MTSS1: variants seen among roughly 807,000 people sequenced by gnomAD.
MTSS1 encodes the protein MTSS I-BAR domain containing 1.
In MTSS1, 18 loss-of-function variants were observed where a neutral mutation model predicts 79.0. The observed-to-expected ratio is 0.23, with a 90% CI of 0.16 to 0.34. The LOEUF (loss-of-function observed/expected upper bound fraction) is 0.34. Ranked by LOEUF, MTSS1 falls within the 10% of genes least tolerant of loss-of-function variation. The probability of loss-of-function intolerance (pLI) is 1.00; values close to 1 mark genes in which losing one functional copy is unlikely to be tolerated. For synonymous variants in MTSS1, 341 were observed against 368.6 expected, an observed-to-expected ratio of 0.93 and a Z score of 0.86; for missense variants, 815 against 986.2, an observed-to-expected ratio of 0.83 and a Z score of 2.33.
At chr8:124,717,004 A>C (rs78523518) in intron 1 of MTSS1, among the ~76,000 whole-genome samples, 19,106 of 145,316 alleles carry the variant, frequency 0.13, 1,282 homozygotes, top group Admixed American at 0.2. Context: ...ATAATTAGTA[A>C]AAAAAAAAAA....
chr8:124,651,336 G>A (rs1008863662), intron 3 of MTSS1, among the ~76,000 whole-genome samples: 1 of 152,130 alleles, frequency 6.6e-6, no homozygotes, highest in Non-Finnish European at 1.5e-5. Flanking sequence ...GAACTTGAGC[G>A]TGACATGCCG....
chr8:124,719,335 C>T (rs930992443), intron 1 of MTSS1, among the ~76,000 whole-genome samples: 3 of 152,216 alleles, frequency 2.0e-5, no homozygotes, highest in African/African-American at 7.2e-5. Flanking sequence ...CATATAAATG[C>T]TTTTAAAATA....
intron 7 of MTSS1, among the ~76,000 whole-genome samples, chr8:124,567,484 C>G (rs989944872): frequency 6.6e-6 from 1 of 152,232 alleles, no homozygotes; most frequent in Non-Finnish European, 1.5e-5. Flanking sequence ...TGTGTTCCCA[C>G]GGGATCCTGC....
In MTSS1 at chr8:124,667,367, G is replaced by A. The variant is rs576870337; in HGVS notation, c.208+32159C>T. Reference sequence around the variant, plus strand: ...CACAAAAAAAAAATAACAATAGGCCGGGCGTGGTGGCTCATGCCTGTAATC... The same window carrying A: ...CACAAAAAAAAAATAACAATAGGCCAGGCGTGGTGGCTCATGCCTGTAATC... On this transcript the variant is annotated intron_variant, in intron 3 of 13. Coordinates refer to ENST00000518547, the MANE Select transcript of MTSS1 (RefSeq NM_014751.6). 1.5e-4 allele frequency among the ~76,000 whole-genome samples: 23 copies of A among 152,318 alleles called. 1 individual carries two copies. Among genetic ancestry groups the A allele is most frequent in the Non-Finnish European group, 1.5e-4 (10 of 68,022 alleles).
intron 6 of MTSS1, 26 bp from the exon 7 acceptor site, chr8:124,568,562 G>A (rs755223909): frequency 9.9e-6 from 16 of 1,613,964 alleles, no homozygotes; most frequent in South Asian, 7.7e-5. Context: ...ACCCAAGCAC[G>A]GCTTGCTGAA....
chr8:124,648,714 C>G, intron 3 of MTSS1, among the ~76,000 whole-genome samples: 1 of 151,978 alleles, frequency 6.6e-6, no homozygotes, highest in South Asian at 2.1e-4. Context: ...TAGCAGCCCC[C>G]CCCCAGATAC....
At chr8:124,714,944 C>T (rs538375127) in intron 1 of MTSS1, among the ~76,000 whole-genome samples, 1 of 152,330 alleles carries the variant, frequency 6.6e-6, no homozygotes, top group African/African-American at 2.4e-5. Context: ...ACCCTCTAAC[C>T]TTTGTCCTCC....
chr8:124,659,470 C>T (rs191408795), intron 3 of MTSS1, among the ~76,000 whole-genome samples: 6 of 152,270 alleles, frequency 3.9e-5, no homozygotes, highest in African/African-American at 1.2e-4. Context: ...GATTGAAACA[C>T]ATGAATGGCC....
At chr8:124,658,281 G>A (rs368296965) in intron 3 of MTSS1, among the ~76,000 whole-genome samples, 26 of 152,276 alleles carry the variant, frequency 1.7e-4, no homozygotes, top group East Asian at 3.9e-4. Context: ...CTGTTATCAC[G>A]ATAGTGAATA....
intron 3 of MTSS1, among the ~76,000 whole-genome samples, chr8:124,688,363 C>A (rs146485462): frequency 6.8e-6 from 1 of 147,514 alleles, no homozygotes; most frequent in African/African-American, 2.5e-5. Context: ...GTGTGTTGTA[C>A]GTGTGTACAT....
rs576387636 is a variant in MTSS1 at position 124,654,064 on chromosome 8, G to A, written c.208+45462C>T. Among the ~76,000 whole-genome samples the A allele has an allele frequency of 1.8e-4, 28 of 152,168 alleles. No homozygotes were observed. The South Asian group carries it at 5.0e-3, about 27-fold the overall frequency. On this transcript the variant is annotated intron_variant, in intron 3 of 13. Coordinates refer to ENST00000518547, the MANE Select transcript of MTSS1 (RefSeq NM_014751.6). ...TTACATTCCAGAGCTCCTGCTAGAC[G>A]GATGCTTCTGGAAACGTCTTACTGC...
chr8:124,646,061 G>A (rs955830670), intron 3 of MTSS1, among the ~76,000 whole-genome samples: 16 of 152,040 alleles, frequency 1.1e-4, no homozygotes, highest in African/African-American at 3.4e-4. Context: ...GGACAGTGAG[G>A]GTTTTAAAAA....
chr8:124,568,493 A>G lies in MTSS1; in HGVS notation c.504T>C (p.Asp168=), dbSNP rs1827009867. ...CCAATAAGAGATACTTATCATTGAC[A>G]TCTTGGAGAGCACTGTCCAACTGAG... The part of the protein sequence containing the change: ...IQPQLDSALQ[D]VNDKYLLLEE... The change falls in exon 7 of 14, where the codon GAT becomes GAC. Residue 168 remains aspartate (D), a synonymous_variant. Coordinates refer to ENST00000518547, the MANE Select transcript of MTSS1 (RefSeq NM_014751.6). 6.2e-7 allele frequency: 1 copy of G among 1,614,016 alleles called. No individual in the cohort carries two copies. Among genetic ancestry groups the G allele is most frequent in the African/African-American group, 1.3e-5 (1 of 74,908 alleles).
intron 3 of MTSS1, among the ~76,000 whole-genome samples, chr8:124,618,600 G>A (rs1373479018): frequency 6.6e-6 from 1 of 152,142 alleles, no homozygotes; most frequent in African/African-American, 2.4e-5. Flanking sequence ...CAGCAACTAG[G>A]AACAGGAGCT....
chr8:124,694,987 A>C (rs75624333), intron 3 of MTSS1, among the ~76,000 whole-genome samples: 38 of 151,772 alleles, frequency 2.5e-4, no homozygotes, highest in African/African-American at 8.9e-4. Flanking sequence ...AAATATACAC[A>C]TTATAATATC....
intron 3 of MTSS1, among the ~76,000 whole-genome samples, chr8:124,602,188 C>CATATATATATATATATATAT: frequency 2.7e-4 from 31 of 116,780 alleles, no homozygotes; most frequent in African/African-American, 1.2e-3. Flanking sequence ...CATATATATA[C>CATATATATATATATATATAT]ATATATATAT....
chr8:124,615,043 G>A (rs1836581344), intron 3 of MTSS1, among the ~76,000 whole-genome samples: 1 of 152,220 alleles, frequency 6.6e-6, no homozygotes, highest in Non-Finnish European at 1.5e-5. Flanking sequence ...GCGGGAAGAT[G>A]CAGCGTTCCA....
chr8:124,658,006 A>T lies in MTSS1; in HGVS notation c.208+41520T>A, dbSNP rs118060563. On this transcript the variant is annotated intron_variant, in intron 3 of 13. Transcript: ENST00000518547. ...TGCACTTATAAGAAAAGACATGAGAATGATGATCTCTCCCTCCACCACGTG... is the reference window on the plus strand; with the variant it reads ...TGCACTTATAAGAAAAGACATGAGATTGATGATCTCTCCCTCCACCACGTG... 1.0e-3 allele frequency among the ~76,000 whole-genome samples: 153 copies of T among 152,324 alleles called. 2 individuals carry two copies. The East Asian group carries it at 0.018, about 18-fold the overall frequency.
chr8:124,727,772 G>C lies in MTSS1; in HGVS notation c.72+112C>G. 1.1e-6 allele frequency: 1 copy of C among 934,618 alleles called. No homozygotes were observed. Among genetic ancestry groups the C allele is most frequent in the Non-Finnish European group, 1.6e-6 (1 of 642,674 alleles). The allele number at this position is 934,618 out of a possible 1,614,324, so 57.9% of individuals were successfully genotyped here. On this transcript the variant is annotated intron_variant, in intron 1 of 13. Transcript: ENST00000518547. This position sits in a 1 kb window ranked among gnomAD's most constrained non-coding sequence, Gnocchi z 4.7. ...CGGCCGGGAGCTCCCGCAGGTGGCC[G>C]GTGGCCACACTGCAGGGAAGGGCCG...
Sources: gnomAD v4.1 joint callset for allele counts (sites outside exome capture counted in the v4.1 genomes callset) on GRCh38, gnomAD v4.1.1 for gene constraint, Gnocchi (gnomAD v3.1) non-coding constraint, MANE v1.5 for transcripts, NCBI Gene and HGNC (gene_info 2026-07-23, HGNC 2026-07-21) for gene names.